THSD4: variants seen among roughly 807,000 people sequenced by gnomAD.
The protein encoded by THSD4 is thrombospondin type 1 domain containing 4, also known as thrombospondin type-1 domain-containing protein 4.
In THSD4, 69 loss-of-function variants were observed where a neutral mutation model predicts 119.0. The observed-to-expected ratio is 0.58, with a 90% CI of 0.48 to 0.71. The LOEUF is 0.71. THSD4 is among the 30% of genes least tolerant of loss of function. THSD4 has a pLI of 0.00. For synonymous variants in THSD4, 524 were observed against 540.4 expected (o/e 0.97, Z 0.42); for missense variants, 1,393 against 1,391.1 (o/e 1.00, Z -0.02).
chr15:71,507,538 A>G (rs1265402577), intron 7 of THSD4, among the ~76,000 whole-genome samples: 2 of 152,130 alleles, frequency 1.3e-5, no homozygotes, highest in Non-Finnish European at 2.9e-5. Flanking sequence ...TCAGCTGGAG[A>G]CACTGCTCCC....
intron 8 of THSD4, among the ~76,000 whole-genome samples, chr15:71,709,616 A>C (rs1426001319): frequency 2.0e-5 from 3 of 152,220 alleles, no homozygotes; most frequent in Non-Finnish European, 4.4e-5. Context: ...AAGAAAGTGA[A>C]GCTGTCTTCG....
chr15:71,574,122 T>C (rs993970426), intron 7 of THSD4, among the ~76,000 whole-genome samples: 9 of 152,212 alleles, frequency 5.9e-5, no homozygotes, highest in African/African-American at 2.2e-4. Context: ...AGTCAGTGAA[T>C]ATTTGCTGAC....
At chr15:71,588,625 G>A (rs962309641) in intron 7 of THSD4, among the ~76,000 whole-genome samples, 1 of 151,914 alleles carries the variant, frequency 6.6e-6, no homozygotes, top group Non-Finnish European at 1.5e-5. Context: ...AGTAGACATG[G>A]GTTTCACCAC....
intron 7 of THSD4, among the ~76,000 whole-genome samples, chr15:71,464,685 A>G (rs2047476228): frequency 1.3e-5 from 2 of 152,180 alleles, no homozygotes; most frequent in South Asian, 2.1e-4. Context: ...TTTCCCTTCT[A>G]AAGTTTAAGT....
chr15:71,215,870 G>C (rs2092900080), intron 4 of THSD4, among the ~76,000 whole-genome samples: 1 of 152,218 alleles, frequency 6.6e-6, no homozygotes, highest in African/African-American at 2.4e-5. Context: ...CCAAGCTGTA[G>C]GCTTCCAGAT....
chr15:71,187,694 C>T (rs1465793781), intron 3 of THSD4: 1 of 152,412 alleles, frequency 6.6e-6, no homozygotes, highest in Non-Finnish European at 1.5e-5. Flanking sequence ...TTCTACCTTA[C>T]ATCAGCCCTT....
chr15:71,218,200 G>T (rs2043949881), intron 4 of THSD4, among the ~76,000 whole-genome samples: 2 of 152,208 alleles, frequency 1.3e-5, no homozygotes, highest in South Asian at 4.1e-4. Flanking sequence ...CTAAGGACGT[G>T]ACCTGATGAA....
At chr15:71,158,148 CTTTTTTTTTTTT>C (rs1193131967) in intron 3 of THSD4, among the ~76,000 whole-genome samples, 1 of 85,004 alleles carries the variant, frequency 1.2e-5, no homozygotes, top group Non-Finnish European at 2.2e-5. Flanking sequence ...CAACACTTAT[CTTTTTTTTTTTT>C]TTTTTTTTTT....
At chr15:71,385,624 C>CG (rs2046286239) in intron 6 of THSD4, among the ~76,000 whole-genome samples, 2 of 152,048 alleles carry the variant, frequency 1.3e-5, no homozygotes, top group African/African-American at 4.8e-5. Flanking sequence ...TACGTGGCCA[C>CG]CTGTGATTGA....
intron 6 of THSD4, among the ~76,000 whole-genome samples, chr15:71,262,250 T>C (rs1262258672): frequency 6.6e-6 from 1 of 152,188 alleles, no homozygotes; most frequent in African/African-American, 2.4e-5. Context: ...CCTTAGATAA[T>C]GCCTCCAGGA....
intron 7 of THSD4, among the ~76,000 whole-genome samples, chr15:71,528,947 A>G (rs934333442): frequency 1.2e-4 from 19 of 152,184 alleles, no homozygotes; most frequent in African/African-American, 4.3e-4. Context: ...CCTGACTGCT[A>G]TGGCAAAGAC....
At position 71,097,909 on chromosome 15, in the gene THSD4, G is replaced by A. The variant is rs935414750; in HGVS notation, c.-80+903G>A. 3.9e-5 allele frequency among the ~76,000 whole-genome samples: 6 copies of A among 152,004 alleles called. No homozygotes were observed. In the South Asian group the frequency reaches 8.3e-4, roughly 21 times the overall value. On this transcript the variant is annotated intron_variant, in intron 1 of 17. Coordinates refer to the THSD4 transcript ENST00000355327. ...AATTTTCCCCCAATTATCTAGGTAT[G>A]AGCGTCCCTCTGTGGGAATAAACTT...
intron 10 of THSD4, among the ~76,000 whole-genome samples, chr15:71,735,442 C>A (rs1217899799): frequency 6.6e-6 from 1 of 151,272 alleles, no homozygotes; most frequent in Non-Finnish European, 1.5e-5. Flanking sequence ...ACCTCTCTCT[C>A]TCTTTCTCAC....
intron 7 of THSD4, among the ~76,000 whole-genome samples, chr15:71,548,633 G>A (rs2048877313): frequency 6.6e-6 from 1 of 152,198 alleles, no homozygotes; most frequent in African/African-American, 2.4e-5. Flanking sequence ...CATTTTCTGG[G>A]CCTGTGGGGG....
chr15:71,464,380 T>G (rs2047470478), intron 7 of THSD4, among the ~76,000 whole-genome samples: 1 of 152,138 alleles, frequency 6.6e-6, no homozygotes, highest in African/African-American at 2.4e-5. Context: ...GTGTATTGCT[T>G]GTTAATTTAG....
chr15:71,630,673 C>T (rs965705210), intron 7 of THSD4, among the ~76,000 whole-genome samples: 8 of 152,126 alleles, frequency 5.3e-5, no homozygotes, highest in Non-Finnish European at 1.2e-4. Context: ...CAGGAAAGAG[C>T]GAGCTTCACA....
chr15:71,208,839 C>A (rs1048234499), intron 3 of THSD4, among the ~76,000 whole-genome samples: 1 of 152,156 alleles, frequency 6.6e-6, no homozygotes, highest in African/African-American at 2.4e-5. Context: ...TTCCTGCTCC[C>A]TGGCTCATGG....
chr15:71,138,877 A>AGT lies in THSD4; in HGVS notation c.-79-2557_-79-2556dup, dbSNP rs111389138. The stretch of plus-strand genomic sequence containing the variant: ...TAATTTCTTGGTGTGTGTGTGTGTG[A>AGT]GTGTGTGTGTGTGTGTTTGTGTTCA... On this transcript the variant is annotated intron_variant, in intron 1 of 17. Coordinates refer to ENST00000261862, the MANE Select transcript of THSD4 (RefSeq NM_024817.3). Among the ~76,000 whole-genome samples the AGT allele has an allele frequency of 2.1e-4, 31 of 149,810 alleles. No individual in the cohort carries two copies. The East Asian group carries it at 4.1e-3, about 20-fold the overall frequency.
rs563255825 is a variant in THSD4 at position 71,352,084 on chromosome 15, AG to A, written c.1016-59602del. The stretch of plus-strand genomic sequence containing the variant: ...AAAGTGAGCCTTTTAATTAAACAAA[AG>A]AAAAGACTGCCATGTCCATTTATTT... On this transcript the variant is annotated intron_variant, in intron 6 of 17. Coordinates refer to ENST00000261862, the MANE Select transcript of THSD4 (RefSeq NM_024817.3). Among the ~76,000 whole-genome samples the A allele has an allele frequency of 8.6e-4, 131 of 152,332 alleles. 3 individuals carry two copies. In the South Asian group the frequency reaches 0.026, roughly 30 times the overall value.
Sources: allele counts gnomAD v4.1 joint callset (sites outside exome capture counted in the v4.1 genomes callset), GRCh38; gene constraint gnomAD v4.1.1; transcripts MANE v1.5; gene names NCBI Gene and HGNC (gene_info 2026-07-23, HGNC 2026-07-21).